MOSMO: variants seen among roughly 807,000 people sequenced by gnomAD.
MOSMO encodes the protein modulator of smoothened protein.
Under a neutral mutation model 18.4 loss-of-function variants are expected in MOSMO, and 5 were observed. The ratio of observed to expected loss-of-function variants is 0.27; its 90% CI spans 0.14 to 0.57. The LOEUF (loss-of-function observed/expected upper bound fraction) is 0.57. MOSMO is among the 20% of genes least tolerant of loss of function. MOSMO has a pLI of 0.92. For missense variants in MOSMO, 138 were observed against 211.8 expected (o/e 0.65, Z 2.16); for synonymous variants, 82 against 82.3 (o/e 1.00, Z 0.02).
At chr16:22,024,369 CT>C (rs34009075) in intron 1 of MOSMO, among the ~76,000 whole-genome samples, 4,800 of 144,746 alleles carry the variant, frequency 0.033, 232 homozygotes, top group African/African-American at 0.11. Flanking sequence ...TCTTTGAAAA[CT>C]TTTTTTTTTT....
intron 1 of MOSMO, among the ~76,000 whole-genome samples, chr16:22,020,291 A>ATTTT (rs1204620607): frequency 1.6e-5 from 2 of 122,516 alleles, no homozygotes; most frequent in African/African-American, 3.0e-5. Flanking sequence ...CCTGACTTTA[A>ATTTT]TTTTTTTTTT....
At chr16:22,022,907 A>AGAATTCC in intron 1 of MOSMO, among the ~76,000 whole-genome samples, 1 of 152,322 alleles carries the variant, frequency 6.6e-6, no homozygotes, top group Non-Finnish European at 1.5e-5. Flanking sequence ...AATTGCTTTT[A>AGAATTCC]AGCCACCTGG....
chr16:22,073,625 C>T (rs1040168642), intron 1 of MOSMO, among the ~76,000 whole-genome samples: 6 of 151,652 alleles, frequency 4.0e-5, no homozygotes, highest in African/African-American at 1.2e-4. Flanking sequence ...TGCCTACTCA[C>T]CTCTACCAAA....
chr16:22,092,560 G>A, the MOSMO span: 1 of 1,535,188 alleles, frequency 6.5e-7, no homozygotes, highest in East Asian at 2.5e-5. Flanking sequence ...GGAGGAGCTT[G>A]GAGAAACCAG....
intron 1 of MOSMO, among the ~76,000 whole-genome samples, chr16:22,071,233 G>A (rs1027413615): frequency 1.3e-5 from 2 of 152,206 alleles, no homozygotes; most frequent in South Asian, 2.1e-4. Context: ...GGAGAGCCCC[G>A]TGAGAGGAGG....
chr16:22,041,519 T>G (rs1397752202), intron 1 of MOSMO, among the ~76,000 whole-genome samples: 2 of 152,164 alleles, frequency 1.3e-5, no homozygotes, highest in East Asian at 3.8e-4. Context: ...ACAACTGTAG[T>G]TAAGTATTTA....
At chr16:22,034,450 C>T (rs1410849272) in intron 1 of MOSMO, among the ~76,000 whole-genome samples, 1 of 152,084 alleles carries the variant, frequency 6.6e-6, no homozygotes, top group Non-Finnish European at 1.5e-5. Context: ...ATTTCTGTTT[C>T]ATTTTTGAAA....
intron 1 of MOSMO, among the ~76,000 whole-genome samples, chr16:22,071,738 A>G (rs1487311551): frequency 6.6e-6 from 1 of 152,068 alleles, no homozygotes; most frequent in Non-Finnish European, 1.5e-5. Flanking sequence ...TGGCTGGGTT[A>G]GTTACCTAGG....
intron 2 of MOSMO, 39 bp downstream of exon 2, chr16:22,075,738 C>T (rs1900954727): frequency 1.5e-6 from 2 of 1,342,812 alleles, no homozygotes; most frequent in African/African-American, 1.5e-5. Flanking sequence ...CTAGAAGGCA[C>T]CCACCCACAC....
At chr16:22,056,153 C>G (rs908718321) in intron 1 of MOSMO, among the ~76,000 whole-genome samples, 6 of 152,112 alleles carry the variant, frequency 3.9e-5, no homozygotes, top group Non-Finnish European at 5.9e-5. Context: ...CCTGGATACC[C>G]TGTGCTAGAC....
intron 1 of MOSMO, among the ~76,000 whole-genome samples, chr16:22,070,392 G>T (rs1900825014): frequency 6.6e-6 from 1 of 152,136 alleles, no homozygotes; most frequent in South Asian, 2.1e-4. Flanking sequence ...TTGCCAGGTG[G>T]GTGCATGAAA....
At chr16:22,086,955 C>T (rs1271983822), downstream of MOSMO, 2 of 152,168 alleles carry the variant, frequency 1.3e-5, no homozygotes, top group Non-Finnish European at 2.9e-5. Context: ...AGTGAACTTC[C>T]TCCTGAAGGC....
chr16:22,074,804 C>T (rs1900931479), intron 1 of MOSMO, among the ~76,000 whole-genome samples: 1 of 152,164 alleles, frequency 6.6e-6, no homozygotes. Context: ...GCATGCCAGC[C>T]ATGGTTTGGC....
chr16:22,048,449 G>T (rs1331393366), intron 1 of MOSMO, among the ~76,000 whole-genome samples: 2 of 152,080 alleles, frequency 1.3e-5, no homozygotes, highest in African/African-American at 4.8e-5. Context: ...TCATTTCTCC[G>T]TATCTTTTCC....
At chr16:22,046,569 A>G (rs1285954771) in intron 1 of MOSMO, among the ~76,000 whole-genome samples, 1 of 152,226 alleles carries the variant, frequency 6.6e-6, no homozygotes, top group Non-Finnish European at 1.5e-5. Flanking sequence ...AGTTTCCCTA[A>G]CACACATATT....
At chr16:22,068,456 T>C (rs1037807452) in intron 1 of MOSMO, among the ~76,000 whole-genome samples, 1 of 152,230 alleles carries the variant, frequency 6.6e-6, no homozygotes, top group African/African-American at 2.4e-5. Context: ...TCTTATAGTA[T>C]TGTGCAACTA....
chr16:22,016,205 T>C (rs1167168694), intron 1 of MOSMO, among the ~76,000 whole-genome samples: 1 of 152,166 alleles, frequency 6.6e-6, no homozygotes, highest in Admixed American at 6.5e-5. Flanking sequence ...AGCTTTATGA[T>C]TTGGGGCATG....
At chr16:22,021,655 C>T (rs541013855) in intron 1 of MOSMO, among the ~76,000 whole-genome samples, 15 of 151,916 alleles carry the variant, frequency 9.9e-5, no homozygotes, top group South Asian at 6.3e-4. Flanking sequence ...AAAATTAACC[C>T]GGCGTGATGG....
intron 1 of MOSMO, among the ~76,000 whole-genome samples, chr16:22,029,578 A>T (rs1899952753): frequency 6.6e-6 from 1 of 152,202 alleles, no homozygotes; most frequent in African/African-American, 2.4e-5. Flanking sequence ...CATTCTTAAA[A>T]GCTTTTAAGC....
Sources: allele counts gnomAD v4.1 joint callset (sites outside exome capture counted in the v4.1 genomes callset), GRCh38; gene constraint gnomAD v4.1.1; transcripts MANE v1.5; gene names NCBI Gene and HGNC (gene_info 2026-07-23, HGNC 2026-07-21).